Variants in EPM2A observed in about 807,000 individuals in gnomAD.
EPM2A encodes EPM2A glucan phosphatase, laforin, also known as laforin.
In EPM2A, 21 loss-of-function variants were observed where a neutral mutation model predicts 26.5. The observed-to-expected ratio is 0.79, with a 90% CI of 0.56 to 1.14. The LOEUF (loss-of-function observed/expected upper bound fraction) is 1.14. EPM2A is among the 50% of genes most tolerant of loss of function. The pLI, the probability that EPM2A is intolerant of heterozygous loss-of-function variation, is 0.00. For synonymous variants in EPM2A, 217 were observed against 177.6 expected, an observed-to-expected ratio of 1.22 and a Z score of -1.76; for missense variants, 458 against 440.8, an observed-to-expected ratio of 1.04 and a Z score of -0.35.
intron 4 of EPM2A, among the ~76,000 whole-genome samples, chr6:145,397,495 T>C (rs1324645864): frequency 6.6e-6 from 1 of 152,118 alleles, no homozygotes; most frequent in East Asian, 1.9e-4. Flanking sequence ...GGTCTACGCC[T>C]TTAGAACAAG....
At chr6:145,419,050 A>G (rs2114681563) in intron 4 of EPM2A, among the ~76,000 whole-genome samples, 1 of 152,314 alleles carries the variant, frequency 6.6e-6, no homozygotes, top group East Asian at 1.9e-4. Context: ...AAAGACAGCT[A>G]CAATTATTTT....
intron 2 of EPM2A, among the ~76,000 whole-genome samples, chr6:145,540,994 T>C (rs1217810743): frequency 6.6e-6 from 1 of 152,130 alleles, no homozygotes; most frequent in Non-Finnish European, 1.5e-5. Context: ...GCCTTTTCAA[T>C]TGTATGTGAG....
intron 4 of EPM2A, among the ~76,000 whole-genome samples, chr6:145,422,858 C>T (rs1288625323): frequency 3.3e-5 from 5 of 151,930 alleles, no homozygotes; most frequent in Non-Finnish European, 7.4e-5. Context: ...CAATAAGGGT[C>T]CTGTTGTTTT....
At position 145,680,854 on chromosome 6, in the gene EPM2A, G is replaced by C. The variant is rs200463992; in HGVS notation, c.476+5268C>G. 2.2e-3 allele frequency among the ~76,000 whole-genome samples: 335 copies of C among 151,958 alleles called. 7 individuals carry two copies. The East Asian group carries it at 0.059, about 27-fold the overall frequency. On this transcript the variant is annotated intron_variant, in intron 2 of 3. Coordinates refer to ENST00000367519, the MANE Select transcript of EPM2A (RefSeq NM_005670.4). The stretch of plus-strand genomic sequence containing the variant: ...GTGAATAGTGCCGCTATAAACATAC[G>C]TGTGCATGTGTCTTTATAGCAGCAT...
intron 2 of EPM2A, among the ~76,000 whole-genome samples, chr6:145,585,560 T>C (rs1781185023): frequency 6.6e-6 from 1 of 152,158 alleles, no homozygotes; most frequent in Non-Finnish European, 1.5e-5. Context: ...TCTATCTAGG[T>C]TCTTATGTCT....
chr6:145,547,356 T>C (rs959174373), intron 2 of EPM2A, among the ~76,000 whole-genome samples: 1 of 152,084 alleles, frequency 6.6e-6, no homozygotes, highest in Non-Finnish European at 1.5e-5. Flanking sequence ...TTCTCCTGGG[T>C]TTTCCAGTAA....
At chr6:145,675,482 C>G (rs1412118683) in intron 2 of EPM2A, among the ~76,000 whole-genome samples, 1 of 152,116 alleles carries the variant, frequency 6.6e-6, no homozygotes, top group East Asian at 1.9e-4. Context: ...TTAAAAGACA[C>G]AGACTGGCAA....
chr6:145,442,900 G>A (rs1779083262), intron 4 of EPM2A, among the ~76,000 whole-genome samples: 1 of 149,740 alleles, frequency 6.7e-6, no homozygotes, highest in African/African-American at 2.5e-5. Context: ...TCGCTCTGTT[G>A]CGCAGGCTGG....
chr6:145,735,141 G>C (rs1038400656), intron 1 of EPM2A, 57 bp downstream of exon 1: 3 of 1,340,182 alleles, frequency 2.2e-6, no homozygotes, highest in Admixed American at 2.4e-5. Context: ...GGCCCCGGTT[G>C]GGGGTGCGGG....
chr6:145,442,546 C>G (rs531657757), intron 4 of EPM2A, among the ~76,000 whole-genome samples: 24 of 151,298 alleles, frequency 1.6e-4, no homozygotes, highest in Non-Finnish European at 2.9e-4. Context: ...ACCATGAGAA[C>G]AGTATGGGGG....
Position 145,625,765 on chromosome 6 carries a change from T to G in EPM2A, c.*1651A>C. ...ATGTCATCTCCCCTAAGTGCCACAGTTCTATCTCCCCGTCCTCTGAGCTCC... is the reference window on the plus strand; with the variant it reads ...ATGTCATCTCCCCTAAGTGCCACAGGTCTATCTCCCCGTCCTCTGAGCTCC... On this transcript the variant is annotated 3_prime_UTR_variant, in exon 4 of 4. Transcript: ENST00000367519. 1 of 1,217,836 alleles carries G rather than the reference T, an allele frequency of 8.2e-7. No homozygotes were observed. The highest frequency in any genetic ancestry group is 1.2e-6 in the Non-Finnish European group (1 of 822,454). The allele number at this position is 1,217,836 out of a possible 1,614,324, so 75.4% of individuals were successfully genotyped here.
intron 1 of EPM2A, among the ~76,000 whole-genome samples, chr6:145,731,075 TAA>T (rs200330035): frequency 2.1e-5 from 3 of 144,016 alleles, no homozygotes; most frequent in Admixed American, 6.9e-5. Context: ...GACCTAGAGG[TAA>T]AAAAAAAAAG....
chr6:145,571,984 T>G (rs1055575235), intron 2 of EPM2A, among the ~76,000 whole-genome samples: 1 of 152,220 alleles, frequency 6.6e-6, no homozygotes, highest in Non-Finnish European at 1.5e-5. Flanking sequence ...TTCCCCAAAT[T>G]TCTTTGTCAC....
rs768447404 is a variant in EPM2A at position 145,691,347 on chromosome 6, C to T, written c.302-5051G>A. Among the ~76,000 whole-genome samples the T allele has an allele frequency of 7.9e-5, 12 of 152,032 alleles. 1 individual carries two copies. Among genetic ancestry groups the T allele is most frequent in the Admixed American group, 6.5e-4 (10 of 15,272 alleles). On this transcript the variant is annotated intron_variant, in intron 1 of 3. Transcript: ENST00000367519. ...CAAAGGAAGTGTCATTTTTCAAGTG[C>T]TGTAAAAAAGAACAACTGTCAACCA...
intron 4 of EPM2A, chr6:145,489,652 G>C: frequency 1.5e-6 from 2 of 1,318,362 alleles, no homozygotes; most frequent in Non-Finnish European, 2.2e-6. Flanking sequence ...CAGCATAGCT[G>C]TTCTGTCCTC....
At chr6:145,632,568 CAT>C (rs1405847723) in intron 3 of EPM2A, among the ~76,000 whole-genome samples, 1 of 152,186 alleles carries the variant, frequency 6.6e-6, no homozygotes, top group Non-Finnish European at 1.5e-5. Flanking sequence ...CACCATTCCA[CAT>C]ATGACAAAAG....
At chr6:145,607,318 C>G (rs1775284230) in intron 2 of EPM2A, among the ~76,000 whole-genome samples, 1 of 152,048 alleles carries the variant, frequency 6.6e-6, no homozygotes, top group South Asian at 2.1e-4. Context: ...ACAGATTTGT[C>G]TAATATGATC....
intron 2 of EPM2A, among the ~76,000 whole-genome samples, chr6:145,565,082 T>G (rs73004557): frequency 0.18 from 28,094 of 152,148 alleles, 3,419 homozygotes; most frequent in Admixed American, 0.28. Context: ...CTGTCTCATC[T>G]AAATTTTGAC....
chr6:145,575,380 T>C (rs535418995), intron 2 of EPM2A, among the ~76,000 whole-genome samples: 100 of 152,296 alleles, frequency 6.6e-4, no homozygotes, highest in African/African-American at 2.3e-3. Context: ...GGCGAGGCAG[T>C]GCACACACCT....
Sources: allele counts gnomAD v4.1 joint callset (sites outside exome capture counted in the v4.1 genomes callset), GRCh38; gene constraint gnomAD v4.1.1; transcripts MANE v1.5; gene names NCBI Gene and HGNC (gene_info 2026-07-23, HGNC 2026-07-21).